Variants in RNF144B observed in about 807,000 individuals in gnomAD.
The protein encoded by RNF144B is ring finger protein 144B.
A neutral mutation model predicts 40.2 loss-of-function variants in RNF144B; 25 were observed. That is an observed-to-expected ratio of 0.62 (90% CI 0.45 to 0.87). The LOEUF is 0.87. RNF144B is among the 40% of genes least tolerant of loss of function. The pLI is 0.00. For synonymous variants in RNF144B, 145 were observed against 136.3 expected (o/e 1.06, Z -0.44); for missense variants, 365 against 373.7 (o/e 0.98, Z 0.19).
At chr6:18,435,787 C>T (rs13209435) in intron 3 of RNF144B, among the ~76,000 whole-genome samples, 1 of 150,998 alleles carries the variant, frequency 6.6e-6, no homozygotes, top group Non-Finnish European at 1.5e-5. Flanking sequence ...AAACCAAACA[C>T]CACATGTTCT....
At chr6:18,388,354 T>C (rs2113446951) in intron 1 of RNF144B, among the ~76,000 whole-genome samples, 1 of 152,346 alleles carries the variant, frequency 6.6e-6, no homozygotes, top group Admixed American at 6.5e-5. Context: ...GGACGTTTAT[T>C]TGAACATTGA....
rs915147613 is a variant in RNF144B at position 18,448,264 on chromosome 6, C to T, written c.331+8520C>T. Among the ~76,000 whole-genome samples, 2 of 151,544 alleles carry T rather than the reference C, an allele frequency of 1.3e-5. No individual in the cohort carries two copies. Among genetic ancestry groups the T allele is most frequent in the Non-Finnish European group, 2.9e-5 (2 of 67,922 alleles). On this transcript the variant is annotated intron_variant, in intron 4 of 7. Coordinates refer to ENST00000259939, the MANE Select transcript of RNF144B (RefSeq NM_182757.4). This position sits in a 1 kb window ranked among gnomAD's most constrained non-coding sequence, Gnocchi z 4.0. The stretch of plus-strand genomic sequence containing the variant: ...CAAATCCTTGAGAGTGTGAGGGGAA[C>T]GGATTTCAGTGCCAGATGGAGGGAT...
chr6:18,431,636 C>A (rs1178457282), intron 3 of RNF144B, among the ~76,000 whole-genome samples: 2 of 152,190 alleles, frequency 1.3e-5, no homozygotes, highest in African/African-American at 4.8e-5. Context: ...CATAAATATA[C>A]TTTGCTTGTT....
chr6:18,429,199 T>TA (rs1341072985), intron 3 of RNF144B, among the ~76,000 whole-genome samples: 1 of 151,626 alleles, frequency 6.6e-6, no homozygotes. Context: ...TTTCATCTCT[T>TA]AAAAAAAATG....
chr6:18,390,790 C>T (rs1342378747), intron 1 of RNF144B, among the ~76,000 whole-genome samples: 3 of 152,186 alleles, frequency 2.0e-5, no homozygotes, highest in Non-Finnish European at 2.9e-5. Flanking sequence ...TGTTGAAAAC[C>T]TCCTCAACTA....
intron 1 of RNF144B, chr6:18,396,516 C>T: frequency 4.1e-6 from 4 of 985,262 alleles, no homozygotes; most frequent in Non-Finnish European, 4.8e-6. Context: ...TTCACACCAG[C>T]TTTCTCCACA....
At chr6:18,411,139 C>T (rs2113476881) in intron 2 of RNF144B, among the ~76,000 whole-genome samples, 1 of 151,992 alleles carries the variant, frequency 6.6e-6, no homozygotes, top group South Asian at 2.1e-4. Context: ...CACGTGCCAC[C>T]ACTCCCAGGG....
chr6:18,442,615 T>G lies in RNF144B; in HGVS notation c.331+2871T>G, dbSNP rs557907739. ...AGATGTGCAATTCAGTGACATTAAT[T>G]ACATTCATACAGTTGTGCAGCCATC... On this transcript the variant is annotated intron_variant, in intron 4 of 7. Transcript: ENST00000259939. The surrounding 1 kb of genome is among the most constrained non-coding windows in gnomAD (Gnocchi z 4.3). Among the ~76,000 whole-genome samples, 27 of 152,324 alleles carry G rather than the reference T, an allele frequency of 1.8e-4. No individual in the cohort carries two copies. The East Asian group carries it at 5.0e-3, about 28-fold the overall frequency.
intron 2 of RNF144B, among the ~76,000 whole-genome samples, chr6:18,402,725 G>A (rs970576213): frequency 2.0e-5 from 3 of 152,148 alleles, no homozygotes; most frequent in Non-Finnish European, 4.4e-5. Flanking sequence ...TTTCATGTAG[G>A]TAATTCTTGA....
chr6:18,410,988 T>C lies in RNF144B; in HGVS notation c.165+11289T>C, dbSNP rs1795019870. ...TTTCTTTTCTTTTTTTTTCTTCTTT[T>C]CTTTTCTTTTTTTTTGAGACGGAGT... On this transcript the variant is annotated intron_variant, in intron 2 of 7. Coordinates refer to ENST00000259939, the MANE Select transcript of RNF144B (RefSeq NM_182757.4). The surrounding 1 kb of genome is among the most constrained non-coding windows in gnomAD (Gnocchi z 4.6). 1.1e-5 allele frequency among the ~76,000 whole-genome samples: 1 copy of C among 89,348 alleles called. No homozygotes were observed. The highest frequency in any genetic ancestry group is 2.7e-5 in the Non-Finnish European group (1 of 36,368). The allele number at this position is 89,348 out of a possible 152,430, so 58.6% of individuals were successfully genotyped here. A position where few individuals can be genotyped will look rare whatever the true frequency, so the allele number is the denominator to read the frequency against.
intron 3 of RNF144B, among the ~76,000 whole-genome samples, chr6:18,439,193 C>G (rs921894300): frequency 1.3e-5 from 2 of 152,122 alleles, no homozygotes; most frequent in African/African-American, 4.8e-5. Flanking sequence ...TGTCAGAAGA[C>G]ATGATTTTTA....
At chr6:18,440,431 C>T (rs1372391395) in intron 4 of RNF144B, among the ~76,000 whole-genome samples, 5 of 151,936 alleles carry the variant, frequency 3.3e-5, no homozygotes, top group Admixed American at 3.3e-4. Context: ...TTGTTTCTCC[C>T]AGAAGTTATT....
rs1214980251 is a variant in RNF144B at position 18,444,416 on chromosome 6, C to T, written c.331+4672C>T. Among the ~76,000 whole-genome samples, 2 of 152,084 alleles carry T rather than the reference C, an allele frequency of 1.3e-5. No homozygotes were observed. The highest frequency in any genetic ancestry group is 4.8e-5 in the African/African-American group (2 of 41,404). ...CAAAGTACATGCCCGATGATTAATG[C>T]AAGAATTTTTCTTGCCTCTTGTTTC... is the stretch of plus-strand genomic sequence containing the variant. On this transcript the variant is annotated intron_variant, in intron 4 of 7. Transcript: ENST00000259939. The surrounding 1 kb of genome is among the most constrained non-coding windows in gnomAD (Gnocchi z 4.3).
At chr6:18,388,208 C>T (rs1425220261) in intron 1 of RNF144B, among the ~76,000 whole-genome samples, 1 of 152,166 alleles carries the variant, frequency 6.6e-6, no homozygotes, top group African/African-American at 2.4e-5. Context: ...ATTCCCTTCT[C>T]TGGGAAATGT....
intron 4 of RNF144B, among the ~76,000 whole-genome samples, chr6:18,445,422 C>A (rs1759060750): frequency 6.6e-6 from 1 of 152,132 alleles, no homozygotes; most frequent in South Asian, 2.1e-4. Flanking sequence ...TTCTGTTTCC[C>A]AGTAATAGTC....
At position 18,426,168 on chromosome 6, in the gene RNF144B, G is replaced by A. The variant is rs527297868; in HGVS notation, c.166-1413G>A. On this transcript the variant is annotated intron_variant, in intron 2 of 7. Coordinates refer to ENST00000259939, the MANE Select transcript of RNF144B (RefSeq NM_182757.4). ...TTGGCTCATGCTTTTATAAAAAGTT[G>A]GTGCAACAGCAATATTTTTAATGCA... is the stretch of plus-strand genomic sequence containing the variant. Among the ~76,000 whole-genome samples the A allele has an allele frequency of 3.3e-5, 5 of 152,194 alleles. No homozygotes were observed. In the South Asian group the frequency reaches 1.0e-3, roughly 32 times the overall value.
rs149579902 is a variant in RNF144B at position 18,459,029 on chromosome 6, C to G, written c.537-578C>G. On this transcript the variant is annotated intron_variant, in intron 5 of 7. Transcript: ENST00000259939. The surrounding 1 kb of genome is among the most constrained non-coding windows in gnomAD (Gnocchi z 4.2). ...ACAACACTCTGTGAGTTGGATATCT[C>G]TGTGTGCTGGGTGGTGGTTTTGATG... is the stretch of plus-strand genomic sequence containing the variant. Among the ~76,000 whole-genome samples the G allele has an allele frequency of 0.01, 1,570 of 152,304 alleles. 22 individuals are homozygous for G. Among genetic ancestry groups the G allele is most frequent in the African/African-American group, 0.035 (1,454 of 41,550 alleles).
rs1171751077 is a variant in RNF144B at position 18,406,295 on chromosome 6, A to G, written c.165+6596A>G. 6.6e-6 allele frequency among the ~76,000 whole-genome samples: 1 copy of G among 152,124 alleles called. No individual in the cohort carries two copies. The highest frequency in any genetic ancestry group is 2.1e-4 in the South Asian group (1 of 4,818). On this transcript the variant is annotated intron_variant, in intron 2 of 7. Transcript: ENST00000259939. This position sits in a 1 kb window ranked among gnomAD's most constrained non-coding sequence, Gnocchi z 4.2. ...TTAGATGATCAGGGAAGTCTCAGTGATAAGGTGTTATTTGAGCAGAGACCT... is the reference window on the plus strand; with the variant it reads ...TTAGATGATCAGGGAAGTCTCAGTGGTAAGGTGTTATTTGAGCAGAGACCT...
Position 18,387,449 on chromosome 6 carries a change from G to A in RNF144B, c.-218G>A, listed in dbSNP as rs1794472231. On this transcript the variant is annotated 5_prime_UTR_variant, in exon 1 of 8. Coordinates refer to ENST00000259939, the MANE Select transcript of RNF144B (RefSeq NM_182757.4). Reference sequence around the variant, plus strand: ...GACTCCGCCTCCTCCCGACCCGTAGGTCTGGGAGCGCAAGTCCTGTTGCAG... The same window carrying A: ...GACTCCGCCTCCTCCCGACCCGTAGATCTGGGAGCGCAAGTCCTGTTGCAG... 6.5e-6 allele frequency: 8 copies of A among 1,236,902 alleles called. No homozygotes were observed. The highest frequency in any genetic ancestry group is 8.3e-6 in the Non-Finnish European group (8 of 958,678). The allele number at this position is 1,236,902 out of a possible 1,614,324, so 76.6% of individuals were successfully genotyped here.
Sources: gnomAD v4.1 joint callset for allele counts (sites outside exome capture counted in the v4.1 genomes callset) on GRCh38, gnomAD v4.1.1 for gene constraint, Gnocchi (gnomAD v3.1) non-coding constraint, MANE v1.5 for transcripts, NCBI Gene and HGNC (gene_info 2026-07-23, HGNC 2026-07-21) for gene names.